ADAM17: variants seen among roughly 807,000 people sequenced by gnomAD.
ADAM17 encodes disintegrin and metalloproteinase domain-containing protein 17.
Under a neutral mutation model 96.7 loss-of-function variants are expected in ADAM17, and 39 were observed. That is an observed-to-expected ratio of 0.40 (90% CI 0.31 to 0.53). The LOEUF is 0.53. Ranked by LOEUF, ADAM17 falls within the 20% of genes least tolerant of loss-of-function variation. The pLI, the probability that ADAM17 is intolerant of heterozygous loss-of-function variation, is 0.44. For synonymous variants in ADAM17, 344 were observed against 359.2 expected (o/e 0.96, Z 0.48); for missense variants, 777 against 1,013.2 (o/e 0.77, Z 3.17).
intron 12 of ADAM17, 37 bp from the exon 13 acceptor site, chr2:9,502,313 A>G (rs1441982306): frequency 6.5e-7 from 1 of 1,529,900 alleles, no homozygotes; most frequent in Non-Finnish European, 9.0e-7. Flanking sequence ...GAGCAATTCA[A>G]ATTATGGCCC....
At chr2:9,527,662 T>C in intron 5 of ADAM17, 124 bp downstream of exon 5, 1 of 655,012 alleles carries the variant, frequency 1.5e-6, no homozygotes, top group Non-Finnish European at 2.2e-6. Context: ...AAACCTCTTA[T>C]TTTCATGCCA....
Position 9,490,183 on chromosome 2 carries a change from C to T in ADAM17, c.2469G>A (p.Glu823=). 1 of 1,592,354 alleles carries T rather than the reference C, an allele frequency of 6.3e-7. No homozygotes were observed. The highest frequency in any genetic ancestry group is 8.6e-7 in the Non-Finnish European group (1 of 1,162,256). Residue 823 remains glutamate, a synonymous_variant, in exon 19 of 19, where the codon GAG becomes GAA. Coordinates refer to ENST00000310823, the MANE Select transcript of ADAM17 (RefSeq NM_003183.6). The part of the protein sequence containing the change: ...RQNRVDSKET[E]C ...AGAAGAGCTGAGAACTAAATTAGCA[C>T]TCTGTTTCTTTGCTGTCAACACGAT...
chr2:9,514,649 A>G (rs921741162), intron 10 of ADAM17, among the ~76,000 whole-genome samples: 27 of 148,154 alleles, frequency 1.8e-4, no homozygotes, highest in South Asian at 6.5e-4. Flanking sequence ...CAAGGCGGGC[A>G]GATCACAAGG....
chr2:9,517,909 G>C lies in ADAM17; in HGVS notation c.1183C>G (p.Leu395Val). ...TSTKNYGKTILTKEADLVTTH... is the reference protein window; with the variant it reads ...TSTKNYGKTIVTKEADLVTTH... ...GAAATAAAAGAACATACCTTTGTAA[G>C]GATGGTTTTACCATAATTCTTTGTG... Residue 395 changes from leucine to valine, a missense_variant, in exon 10 of 19, where the codon CTT (leucine) becomes GTT (valine). By Grantham distance (32) the Leu-to-Val change is conservative. This residue lies in a region of ADAM17 where 446 missense variants were observed against 664.7 expected (regional missense o/e 0.67). Transcript: ENST00000310823. 6.3e-7 allele frequency: 1 copy of C among 1,585,266 alleles called. No individual in the cohort carries two copies. The highest frequency in any genetic ancestry group is 8.6e-7 in the Non-Finnish European group (1 of 1,166,970).
rs112638197 is a variant in ADAM17, at chr2:9,530,619, C to T, written c.451-2665G>A. 2.2e-3 allele frequency among the ~76,000 whole-genome samples: 337 copies of T among 151,704 alleles called. 2 individuals are homozygous for T. The highest frequency in any genetic ancestry group is 7.5e-3 in the African/African-American group (312 of 41,384). On this transcript the variant is annotated intron_variant, in intron 4 of 18. Coordinates refer to ENST00000310823, the MANE Select transcript of ADAM17 (RefSeq NM_003183.6). Reference sequence around the variant, plus strand: ...CTGGATTGGATCCTGGACTGGAAAACCAAAAAAAATCTACAAAGGAGATTT... The same window carrying T: ...CTGGATTGGATCCTGGACTGGAAAATCAAAAAAAATCTACAAAGGAGATTT...
At chr2:9,497,046 A>C in intron 14 of ADAM17, 68 bp downstream of exon 14, 1 of 1,575,370 alleles carries the variant, frequency 6.3e-7, no homozygotes, top group Non-Finnish European at 8.6e-7. Context: ...CTCCAAATGG[A>C]GGAAGGGAGC....
intron 1 of ADAM17, among the ~76,000 whole-genome samples, chr2:9,549,756 T>C (rs937043487): frequency 1.3e-5 from 2 of 152,192 alleles, no homozygotes; most frequent in South Asian, 4.1e-4. Flanking sequence ...TGGGCTCAAG[T>C]GATCCTTCCC....
chr2:9,541,651 T>G (rs1435889517), intron 2 of ADAM17, among the ~76,000 whole-genome samples: 2 of 152,242 alleles, frequency 1.3e-5, no homozygotes, highest in African/African-American at 4.8e-5. Context: ...GAGTTAGAAG[T>G]AAAAACTTTG....
In ADAM17 at chr2:9,510,098, G is replaced by T; in HGVS notation, c.1225C>A (p.His409Asn). The change falls in exon 11 of 19, where the codon CAT becomes AAT. Residue 409 changes from histidine (H) to asparagine (N), a missense_variant. His to Asn is a moderately conservative substitution (Grantham distance 68). Coordinates refer to ENST00000310823, the MANE Select transcript of ADAM17 (RefSeq NM_003183.6). ...ADLVTTHELG[H>N]NFGAEHDPDG... ...GGATCATGTTCTGCTCCAAAATTAT[G>T]TCCCAATTCATGAGTTGTAACCAGG... is the stretch of plus-strand genomic sequence containing the variant. 7 of 1,614,106 alleles carry T rather than the reference G, an allele frequency of 4.3e-6. No individual in the cohort carries two copies. The highest frequency in any genetic ancestry group is 5.9e-6 in the Non-Finnish European group (7 of 1,180,008).
chr2:9,517,285 A>G (rs1664102355), intron 10 of ADAM17, among the ~76,000 whole-genome samples: 2 of 152,242 alleles, frequency 1.3e-5, no homozygotes, highest in South Asian at 4.1e-4. Context: ...AGATCTTAAG[A>G]TATTCCAGAG....
intron 1 of ADAM17, among the ~76,000 whole-genome samples, chr2:9,552,513 T>C (rs984654930): frequency 8.5e-5 from 13 of 152,182 alleles, no homozygotes; most frequent in Admixed American, 7.2e-4. Context: ...CTGAGTAAAA[T>C]GGTGCTGTCA....
chr2:9,509,189 A>G (rs1036857731), intron 11 of ADAM17, among the ~76,000 whole-genome samples: 1 of 152,226 alleles, frequency 6.6e-6, no homozygotes, highest in Non-Finnish European at 1.5e-5. Context: ...GATTAGAATC[A>G]GACTCCTTTA....
Position 9,488,575 on chromosome 2 carries a change from A to G in ADAM17, c.*1602T>C. On this transcript the variant is annotated 3_prime_UTR_variant, in exon 19 of 19. Transcript: ENST00000310823. ...AGCTTGTTAATTCTATAAATGACAA[A>G]GACTATGTTTTTAAAAAGTCACAAT... The G allele has an allele frequency of 3.0e-6, 1 of 332,654 alleles. No homozygotes were observed. The highest frequency in any genetic ancestry group is 5.4e-6 in the Non-Finnish European group (1 of 186,168). The allele number at this position is 332,654 out of a possible 1,614,324, so 20.6% of individuals were successfully genotyped here. A position where few individuals can be genotyped will look rare whatever the true frequency, so the allele number is the denominator to read the frequency against.
intron 11 of ADAM17, 45 bp downstream of exon 11, chr2:9,509,934 C>T (rs1324137860): frequency 3.1e-6 from 5 of 1,605,862 alleles, no homozygotes; most frequent in Non-Finnish European, 4.3e-6. Flanking sequence ...TCATTATACA[C>T]AGCCTCTTTC....
intron 1 of ADAM17, among the ~76,000 whole-genome samples, chr2:9,543,568 G>A (rs1665299046): frequency 6.6e-6 from 1 of 152,134 alleles, no homozygotes; most frequent in Non-Finnish European, 1.5e-5. Flanking sequence ...CAGACACTAT[G>A]GTATTCAAAA....
intron 1 of ADAM17, among the ~76,000 whole-genome samples, chr2:9,550,439 C>CTTTTTTT (rs35602755): frequency 2.7e-5 from 2 of 74,164 alleles, no homozygotes; most frequent in African/African-American, 5.7e-5. Context: ...GATACTCATT[C>CTTTTTTT]TTTTTTTTTT....
chr2:9,543,337 A>T, intron 1 of ADAM17, 52 bp from the exon 2 acceptor site: 1 of 1,433,470 alleles, frequency 7.0e-7, no homozygotes, highest in African/African-American at 1.4e-5. Flanking sequence ...AATCAATTGT[A>T]GTATCGTTAA....
At chr2:9,516,786 C>T (rs2125016677) in intron 10 of ADAM17, among the ~76,000 whole-genome samples, 1 of 152,104 alleles carries the variant, frequency 6.6e-6, no homozygotes, top group South Asian at 2.1e-4. Context: ...AATTAAAAAT[C>T]AGTATATCAG....
intron 4 of ADAM17, among the ~76,000 whole-genome samples, chr2:9,530,965 T>C (rs1664714733): frequency 6.6e-6 from 1 of 152,214 alleles, no homozygotes; most frequent in Admixed American, 6.5e-5. Context: ...TTTTCTTTTT[T>C]ATTTTTTTCT....
Sources: allele counts gnomAD v4.1 joint callset (sites outside exome capture counted in the v4.1 genomes callset), GRCh38; gene constraint gnomAD v4.1.1; regional missense constraint gnomAD v4.1.1; transcripts MANE v1.5; gene names NCBI Gene and HGNC (gene_info 2026-07-23, HGNC 2026-07-21).